Variants in EIF4G3 observed in about 807,000 individuals in gnomAD.
EIF4G3 encodes the protein eIF-4-gamma 3.
Under a neutral mutation model 186.4 loss-of-function variants are expected in EIF4G3, and 34 were observed. That is an observed-to-expected ratio of 0.18 (90% CI 0.14 to 0.24). The LOEUF (loss-of-function observed/expected upper bound fraction) is 0.24, where lower values mean the gene tolerates loss of function less well. EIF4G3 is among the 10% of genes least tolerant of loss of function. The pLI, the probability that EIF4G3 is intolerant of heterozygous loss-of-function variation, is 1.00. For missense variants in EIF4G3, 1,536 were observed against 1,948.5 expected, an observed-to-expected ratio of 0.79 and a Z score of 3.99; for synonymous variants, 673 against 679.5, an observed-to-expected ratio of 0.99 and a Z score of 0.15.
chr1:20,914,451 T>C (rs2093638386), intron 14 of EIF4G3, among the ~76,000 whole-genome samples: 2 of 152,208 alleles, frequency 1.3e-5, no homozygotes, highest in South Asian at 2.1e-4. Flanking sequence ...AGCCAAAGAA[T>C]GTAAGCAGTC....
chr1:20,941,635 C>T lies in EIF4G3; in HGVS notation c.1519G>A (p.Val507Ile). 6.2e-7 allele frequency: 1 copy of T among 1,614,188 alleles called. No individual in the cohort carries two copies. Among genetic ancestry groups the T allele is most frequent in the Non-Finnish European group, 8.5e-7 (1 of 1,180,034 alleles). ...SPSAAITVQR[V>I]LEEDESIRTC... is the part of the protein sequence containing the mutation. ...CTTATGCTCTCGTCCTCCTCTAGGA[C>T]TCTCTGGACTGTGATGGCAGCACTC... The change falls in exon 14 of 37, where the codon GTC (valine) becomes ATC (isoleucine). Residue 507 changes from valine (V) to isoleucine (I), a missense_variant. This residue lies in a region of EIF4G3 where 560 missense variants were observed against 547.8 expected (regional missense o/e 1.02). Transcript: ENST00000602326.
At chr1:21,173,782 T>C (rs1356826308) in intron 2 of EIF4G3, among the ~76,000 whole-genome samples, 2 of 152,254 alleles carry the variant, frequency 1.3e-5, no homozygotes, top group East Asian at 1.9e-4. Flanking sequence ...ATTCAAGCCA[T>C]GAACAGTGCT....
In EIF4G3 at chr1:21,100,379, A is replaced by G. The variant is rs186619192; in HGVS notation, c.-271-11166T>C. 1.8e-3 allele frequency among the ~76,000 whole-genome samples: 272 copies of G among 152,326 alleles called. 4 individuals are homozygous for G. The highest frequency in any genetic ancestry group is 5.8e-3 in the East Asian group (30 of 5,190). ...GGCTGAATTTTATGGTGTGTGAATT[A>G]TATCTCAATAATGCTGTTACCAAAA... On this transcript the variant is annotated intron_variant, in intron 2 of 36. Coordinates refer to ENST00000602326, the MANE Select transcript of EIF4G3 (RefSeq NM_001391906.1).
At chr1:21,029,452 A>G (rs1416303583) in intron 4 of EIF4G3, among the ~76,000 whole-genome samples, 1 of 151,560 alleles carries the variant, frequency 6.6e-6, no homozygotes, top group Non-Finnish European at 1.5e-5. Context: ...CTGGGAAGAA[A>G]GAGAAATTGA....
intron 14 of EIF4G3, among the ~76,000 whole-genome samples, chr1:20,937,847 A>G (rs1038734433): frequency 6.6e-6 from 1 of 152,222 alleles, no homozygotes; most frequent in Admixed American, 6.5e-5. Flanking sequence ...ATATCATCCA[A>G]TTAATATCTA....
chr1:20,860,688 G>GT (rs1240740232), intron 23 of EIF4G3, among the ~76,000 whole-genome samples, 171 bp from the exon 24 acceptor site: 2 of 152,156 alleles, frequency 1.3e-5, no homozygotes, highest in South Asian at 4.1e-4. Flanking sequence ...GATTAGAGCT[G>GT]AAGGATTAAA....
chr1:21,075,989 C>T (rs146882304), intron 3 of EIF4G3, among the ~76,000 whole-genome samples: 352 of 152,122 alleles, frequency 2.3e-3, no homozygotes, highest in Middle Eastern at 0.01. Flanking sequence ...GCATTTTAAA[C>T]GAAAGACACC....
At chr1:20,875,371 G>A (rs558340776) in intron 20 of EIF4G3, among the ~76,000 whole-genome samples, 1 of 152,194 alleles carries the variant, frequency 6.6e-6, no homozygotes, top group Non-Finnish European at 1.5e-5. Flanking sequence ...GTACAGTAAT[G>A]ATTTGTATAC....
chr1:21,152,741 T>C (rs1229008104), intron 2 of EIF4G3, among the ~76,000 whole-genome samples: 1 of 152,218 alleles, frequency 6.6e-6, no homozygotes, highest in Non-Finnish European at 1.5e-5. Context: ...CATAACTTAA[T>C]GAACAATTAT....
At chr1:20,818,519 G>C (rs1351822849) in intron 33 of EIF4G3, among the ~76,000 whole-genome samples, 2 of 152,110 alleles carry the variant, frequency 1.3e-5, no homozygotes, top group Non-Finnish European at 2.9e-5. Context: ...GCATGCGCCT[G>C]TGGTCCCAGC....
chr1:20,829,194 C>T lies in EIF4G3; in HGVS notation c.4140G>A (p.Val1380=), dbSNP rs757486147. Residue 1380 remains valine (V), a synonymous_variant, in exon 31 of 37, where the codon GTG becomes GTA. Coordinates refer to ENST00000602326, the MANE Select transcript of EIF4G3 (RefSeq NM_001391906.1). ...TTCCACCTTCTTTTAACATGGGGGTCACCAGTTCAGCAAGGTACAACCAAA... is the reference window on the plus strand; with the variant it reads ...TTCCACCTTCTTTTAACATGGGGGTTACCAGTTCAGCAAGGTACAACCAAA... The part of the protein sequence containing the change: ...PHIWLYLAEL[V]TPMLKEGGIS... 1.5e-5 allele frequency: 25 copies of T among 1,613,860 alleles called. No individual in the cohort carries two copies. Among genetic ancestry groups the T allele is most frequent in the Non-Finnish European group, 2.1e-5 (25 of 1,179,906 alleles).
rs370439597 is a variant in EIF4G3 at position 20,879,526 on chromosome 1, A to C, written c.2425-6T>G. Reference sequence around the variant, plus strand: ...CGAACTTTTCTAAAAAGCTCCTAGAAGGGCCACAAAAAAGAAAAAAGCATT... The same window carrying C: ...CGAACTTTTCTAAAAAGCTCCTAGACGGGCCACAAAAAAGAAAAAAGCATT... On this transcript the variant is annotated splice_region_variant and splice_polypyrimidine_tract_variant and intron_variant, in intron 19 of 36. Coordinates refer to ENST00000602326, the MANE Select transcript of EIF4G3 (RefSeq NM_001391906.1). 2.9e-6 allele frequency: 4 copies of C among 1,394,004 alleles called. No individual in the cohort carries two copies. The highest frequency in any genetic ancestry group is 2.9e-5 in the African/African-American group (2 of 68,096). The allele number at this position is 1,394,004 out of a possible 1,614,324, so 86.4% of individuals were successfully genotyped here.
intron 2 of EIF4G3, among the ~76,000 whole-genome samples, chr1:21,126,629 A>C (rs2097051325): frequency 6.6e-6 from 1 of 152,092 alleles, no homozygotes; most frequent in Non-Finnish European, 1.5e-5. Flanking sequence ...GCATTCCTCC[A>C]ACCTGGGCTA....
intron 2 of EIF4G3, among the ~76,000 whole-genome samples, chr1:21,133,082 C>T (rs913667591): frequency 2.6e-5 from 4 of 152,122 alleles, no homozygotes; most frequent in African/African-American, 9.7e-5. Context: ...TCATGCCCGG[C>T]CCCAAATTTT....
chr1:21,055,434 A>G (rs895502787), intron 3 of EIF4G3, among the ~76,000 whole-genome samples: 61 of 152,144 alleles, frequency 4.0e-4, no homozygotes, highest in Admixed American at 2.0e-3. Context: ...AATACTATTG[A>G]TAAAAAATAT....
In EIF4G3 at chr1:20,855,417, A is replaced by C. The variant is rs141970197; in HGVS notation, c.3340-346T>G. ...ATTAATTTTAAAAATAAAAAATACA[A>C]ATACTACAAAATTAATTCATTAGTG... On this transcript the variant is annotated intron_variant, in intron 25 of 36. Transcript: ENST00000602326. 6.9e-3 allele frequency among the ~76,000 whole-genome samples: 1,048 copies of C among 152,350 alleles called. 15 individuals carry two copies. Among genetic ancestry groups the C allele is most frequent in the African/African-American group, 0.023 (966 of 41,580 alleles).
chr1:21,127,002 G>A (rs1311067644), intron 2 of EIF4G3, among the ~76,000 whole-genome samples: 1 of 151,932 alleles, frequency 6.6e-6, no homozygotes, highest in Admixed American at 6.6e-5. Flanking sequence ...TGTTGTTGTT[G>A]AGAAAAGGTC....
In EIF4G3 at chr1:20,810,367, G is replaced by A. The variant is rs1428957671; in HGVS notation, c.4744+371C>T. The stretch of plus-strand genomic sequence containing the variant: ...GACAGGGTTTCACTGTGTTAGCCAG[G>A]ATGGTCTCGATCTCCTGACCTCATG... On this transcript the variant is annotated intron_variant, in intron 36 of 36. Coordinates refer to ENST00000602326, the MANE Select transcript of EIF4G3 (RefSeq NM_001391906.1). This position sits in a 1 kb window ranked among gnomAD's most constrained non-coding sequence, Gnocchi z 4.1. Among the ~76,000 whole-genome samples the A allele has an allele frequency of 1.3e-5, 2 of 152,212 alleles. No homozygotes were observed. The highest frequency in any genetic ancestry group is 3.4e-3 in the Middle Eastern group (1 of 294).
chr1:21,119,666 G>A lies in EIF4G3; in HGVS notation c.-271-30453C>T, dbSNP rs1418566113. On this transcript the variant is annotated intron_variant, in intron 2 of 36. Coordinates refer to ENST00000602326, the MANE Select transcript of EIF4G3 (RefSeq NM_001391906.1). ...ATAACCATAACCTATAGATCTGCAG[G>A]TGGCTTGTGCTATTAACTATTACTT... Among the ~76,000 whole-genome samples, 6 of 152,252 alleles carry A rather than the reference G, an allele frequency of 3.9e-5. No homozygotes were observed. The East Asian group carries it at 1.2e-3, about 29-fold the overall frequency.
Sources: allele counts gnomAD v4.1 joint callset (sites outside exome capture counted in the v4.1 genomes callset), GRCh38; gene constraint gnomAD v4.1.1; regional missense constraint gnomAD v4.1.1; non-coding constraint Gnocchi (gnomAD v3.1); transcripts MANE v1.5; gene names NCBI Gene and HGNC (gene_info 2026-07-23, HGNC 2026-07-21).